Variants in EEA1 observed in about 807,000 individuals in gnomAD.
EEA1 encodes the protein early endosome antigen 1.
A neutral mutation model predicts 209.2 loss-of-function variants in EEA1; 111 were observed. The observed-to-expected ratio is 0.53, with a 90% CI of 0.45 to 0.62. The LOEUF (loss-of-function observed/expected upper bound fraction) is 0.62, where lower values mean the gene tolerates loss of function less well. Ranked by LOEUF, EEA1 falls within the 20% of genes least tolerant of loss-of-function variation. The probability of loss-of-function intolerance (pLI) is 0.00; values close to 1 mark genes in which losing one functional copy is unlikely to be tolerated. For synonymous variants in EEA1, 536 were observed against 540.6 expected (o/e 0.99, Z 0.12); for missense variants, 1,343 against 1,530.8 (o/e 0.88, Z 2.05).
chr12:92,912,485 T>A (rs778455128), intron 1 of EEA1, among the ~76,000 whole-genome samples: 1 of 152,214 alleles, frequency 6.6e-6, no homozygotes, highest in Admixed American at 6.5e-5. Flanking sequence ...CAGACTAGCC[T>A]TAGACACATG....
At chr12:92,858,736 A>AT (rs1250646660) in intron 3 of EEA1, 14 of 748,442 alleles carry the variant, frequency 1.9e-5, no homozygotes, top group South Asian at 9.4e-5. Flanking sequence ...TCTTGGTGAG[A>AT]TGAGGGATGC....
chr12:92,849,025 AT>A (rs911145252), intron 9 of EEA1, among the ~76,000 whole-genome samples: 10 of 151,802 alleles, frequency 6.6e-5, no homozygotes, highest in African/African-American at 2.4e-4. Context: ...CTCAGCCTGT[AT>A]TTTTTTTAAA....
intron 22 of EEA1, among the ~76,000 whole-genome samples, chr12:92,783,773 G>A (rs909590013): frequency 1.3e-5 from 2 of 152,118 alleles, no homozygotes; most frequent in African/African-American, 4.8e-5. Context: ...AGCAGGGTAA[G>A]AGATCCAACT....
chr12:92,823,157 C>G (rs1296706073), intron 13 of EEA1, among the ~76,000 whole-genome samples: 1 of 152,142 alleles, frequency 6.6e-6, no homozygotes, highest in Non-Finnish European at 1.5e-5. Flanking sequence ...TATTCCCACC[C>G]AAATCCATCT....
chr12:92,853,568 T>TA (rs2136710900), intron 6 of EEA1, among the ~76,000 whole-genome samples: 1 of 152,312 alleles, frequency 6.6e-6, no homozygotes, highest in African/African-American at 2.4e-5. Flanking sequence ...TTTAATTCAT[T>TA]AAAGTATGCA....
chr12:92,859,224 C>A (rs1878023198), intron 3 of EEA1: 2 of 1,613,100 alleles, frequency 1.2e-6, no homozygotes, highest in Middle Eastern at 1.7e-4. Flanking sequence ...CCTATGGCCA[C>A]TTTGGTAGGG....
intron 1 of EEA1, among the ~76,000 whole-genome samples, chr12:92,926,923 G>C (rs1881237320): frequency 6.6e-6 from 1 of 151,960 alleles, no homozygotes; most frequent in South Asian, 2.1e-4. Flanking sequence ...ACTTTTAAAT[G>C]TTCACCTCCC....
intron 21 of EEA1, among the ~76,000 whole-genome samples, chr12:92,789,219 G>C (rs897665673): frequency 2.0e-5 from 3 of 151,562 alleles, no homozygotes; most frequent in African/African-American, 7.3e-5. Flanking sequence ...GAACACAGGA[G>C]GTGGATGTTG....
chr12:92,802,338 G>C (rs1264389717), intron 19 of EEA1, 66 bp downstream of exon 19: 1 of 1,406,284 alleles, frequency 7.1e-7, no homozygotes, highest in Non-Finnish European at 9.6e-7. Context: ...GAATTAAGCA[G>C]AAAAATCAGT....
At chr12:92,890,145 T>G (rs1879605217) in intron 2 of EEA1, among the ~76,000 whole-genome samples, 1 of 152,234 alleles carries the variant, frequency 6.6e-6, no homozygotes, top group African/African-American at 2.4e-5. Context: ...TTTTTGGTCT[T>G]GGTTTTATTC....
chr12:92,807,458 A>G (rs1171791265), intron 18 of EEA1, among the ~76,000 whole-genome samples: 1 of 152,158 alleles, frequency 6.6e-6, no homozygotes, highest in East Asian at 1.9e-4. Flanking sequence ...GAAAAAAGAT[A>G]TAAAAGGCCT....
At chr12:92,823,476 C>T (rs1209621279) in intron 13 of EEA1, among the ~76,000 whole-genome samples, 1 of 152,212 alleles carries the variant, frequency 6.6e-6, no homozygotes, top group Non-Finnish European at 1.5e-5. Context: ...AATATCTACT[C>T]ATCCTTTGTG....
At chr12:92,857,750 G>A (rs774273063) in intron 3 of EEA1, among the ~76,000 whole-genome samples, 1 of 152,192 alleles carries the variant, frequency 6.6e-6, no homozygotes, top group African/African-American at 2.4e-5. Context: ...CAAGCCAAGA[G>A]GCAAAATGTC....
intron 18 of EEA1, 138 bp from the exon 19 acceptor site, chr12:92,802,872 T>C (rs905329430): frequency 2.1e-5 from 13 of 633,562 alleles, no homozygotes; most frequent in Admixed American, 3.9e-5. Flanking sequence ...TTTAATTTCA[T>C]AAAATCGCAC....
chr12:92,853,852 AGAAAG>A, intron 6 of EEA1, 58 bp downstream of exon 6: 1 of 1,463,978 alleles, frequency 6.8e-7, no homozygotes, highest in Non-Finnish European at 9.3e-7. Context: ...TCAAAGAAAA[AGAAAG>A]GAAAACAAAT....
At chr12:92,863,181 G>GT (rs1156845804) in intron 3 of EEA1, among the ~76,000 whole-genome samples, 1 of 152,192 alleles carries the variant, frequency 6.6e-6, no homozygotes, top group Non-Finnish European at 1.5e-5. Flanking sequence ...TTTTGCAGTG[G>GT]TTGTTGCAGA....
chr12:92,906,093 CT>C (rs112834673), intron 1 of EEA1, among the ~76,000 whole-genome samples: 36,978 of 139,358 alleles, frequency 0.27, 5,132 homozygotes, highest in Non-Finnish European at 0.33. Flanking sequence ...CTTTTCTTTT[CT>C]TTTTTTTTTT....
At chr12:92,898,155 C>T (rs1417151844) in intron 1 of EEA1, among the ~76,000 whole-genome samples, 1 of 152,142 alleles carries the variant, frequency 6.6e-6, no homozygotes, top group Non-Finnish European at 1.5e-5. Flanking sequence ...ATTAAAGCTA[C>T]AGAGAAATTC....
Position 92,872,047 on chromosome 12 carries a change from AT to A in EEA1, c.118-7061del, listed in dbSNP as rs56671465. Among the ~76,000 whole-genome samples, 697 of 132,574 alleles carry A rather than the reference AT, an allele frequency of 5.3e-3. 6 individuals are homozygous for A. Among genetic ancestry groups the A allele is most frequent in the African/African-American group, 0.016 (570 of 35,732 alleles). 87.0% of individuals were successfully genotyped at this position (132,574 alleles called of 152,430 possible). On this transcript the variant is annotated intron_variant, in intron 2 of 28. Transcript: ENST00000322349. ...AGGCGCGTACCACCAGGCCCAGCTA[AT>A]TTTTTTTTTTTTTTTTTTGAGACGG...
Sources: gnomAD v4.1 joint callset for allele counts (sites outside exome capture counted in the v4.1 genomes callset) on GRCh38, gnomAD v4.1.1 for gene constraint, MANE v1.5 for transcripts, NCBI Gene and HGNC (gene_info 2026-07-23, HGNC 2026-07-21) for gene names.